The following INTS1 variants were observed in gnomAD, a reference collection of about 807,000 sequenced individuals.
INTS1 encodes the protein integrator complex subunit 1.
A neutral mutation model predicts 241.6 loss-of-function variants in INTS1; 137 were observed. The ratio of observed to expected loss-of-function variants is 0.57; its 90% confidence interval spans 0.49 to 0.65. The LOEUF (loss-of-function observed/expected upper bound fraction) is 0.65. Ranked by LOEUF, INTS1 falls within the 30% of genes least tolerant of loss-of-function variation. The pLI, the probability that INTS1 is intolerant of heterozygous loss-of-function variation, is 0.00. For missense variants in INTS1, 3,073 were observed against 3,032.2 expected (o/e 1.01, Z -0.32); for synonymous variants, 1,692 against 1,337.8 (o/e 1.26, Z -5.78).
rs780065113 is a variant in INTS1, at chr7:1,470,561, G to T, written c.*16C>A. 1.3e-6 allele frequency: 2 copies of T among 1,527,348 alleles called. No homozygotes were observed. The highest frequency in any genetic ancestry group is 1.4e-5 in the African/African-American group (1 of 72,594). The allele number at this position is 1,527,348 out of a possible 1,614,324, so 94.6% of individuals were successfully genotyped here. Reference sequence around the variant, plus strand: ...GGGACGGGCCGGGGCTTGGAGGGGGGTCGGCTGCCACAGGCTCACATCACG... The same window carrying T: ...GGGACGGGCCGGGGCTTGGAGGGGGTTCGGCTGCCACAGGCTCACATCACG... On this transcript the variant is annotated 3_prime_UTR_variant, in exon 48 of 48. Transcript: ENST00000404767.
In INTS1 at chr7:1,487,432, G is replaced by A; in HGVS notation, c.2534C>T (p.Pro845Leu). ...CACTTGATCCAGGATGTGAGGGGGA[G>A]GCCTCCGGGGGGGCCCCCTGAGGGC... ...SLDPQGPPRR[P>L]PPHILDQVKS... The change falls in exon 20 of 48, where the codon CCT becomes CTT. Residue 845 changes from proline to leucine, a missense_variant. By Grantham distance (98) the Pro-to-Leu change is moderately conservative (BLOSUM62 -3). Coordinates refer to ENST00000404767, the MANE Select transcript of INTS1 (RefSeq NM_001080453.3). 3 of 1,611,620 alleles carry A rather than the reference G, an allele frequency of 1.9e-6. No homozygotes were observed. Among genetic ancestry groups the A allele is most frequent in the Middle Eastern group, 1.8e-4 (1 of 5,706 alleles).
At chr7:1,472,418 G>T (rs368285030) in intron 43 of INTS1, 32 bp from the exon 44 acceptor site, 2 of 1,450,252 alleles carry the variant, frequency 1.4e-6, no homozygotes, top group Non-Finnish European at 9.3e-7. Flanking sequence ...GCAGGAGGGC[G>T]GGAGCGGCAG....
chr7:1,473,442 G>A, intron 42 of INTS1, 124 bp downstream of exon 42: 1 of 1,256,876 alleles, frequency 8.0e-7, no homozygotes, highest in Non-Finnish European at 1.1e-6. Context: ...ACCACGCTCA[G>A]CAGCCCTCCC....
intron 35 of INTS1, 145 bp from the exon 36 acceptor site, chr7:1,477,063 G>C: frequency 9.7e-7 from 1 of 1,033,162 alleles, no homozygotes; most frequent in Non-Finnish European, 1.4e-6. Flanking sequence ...CATGGTGCTG[G>C]AGGGCCGCTC....
chr7:1,488,912 C>T (rs552632005), intron 18 of INTS1, among the ~76,000 whole-genome samples: 7 of 152,216 alleles, frequency 4.6e-5, no homozygotes, highest in African/African-American at 1.4e-4. Context: ...GCTGATCCCA[C>T]GCAGGGTCAC....
At chr7:1,503,325 T>A in intron 2 of INTS1, 134 bp from the exon 3 acceptor site, 1 of 924,012 alleles carries the variant, frequency 1.1e-6, no homozygotes, top group African/African-American at 1.7e-5. Context: ...CAGAGCTCAC[T>A]CAGCAGCCTA....
At chr7:1,483,531 C>T (rs747555757) in intron 26 of INTS1, 52 of 614,252 alleles carry the variant, frequency 8.5e-5, no homozygotes, top group Middle Eastern at 3.9e-4. Flanking sequence ...GGTCCCACCA[C>T]GTGGGGATCT....
intron 30 of INTS1, 104 bp downstream of exon 30, chr7:1,480,213 G>A: frequency 1.5e-6 from 2 of 1,351,258 alleles, no homozygotes; most frequent in Middle Eastern, 2.7e-4. Context: ...GCCTGGGTCA[G>A]GCGGTCACGC....
chr7:1,487,735 G>A (rs1782342033), intron 19 of INTS1, 25 bp downstream of exon 19: 24 of 1,602,948 alleles, frequency 1.5e-5, no homozygotes, highest in Non-Finnish European at 1.9e-5. Flanking sequence ...GGCAGGCGCA[G>A]GGCGGGGCTG....
chr7:1,490,150 C>T (rs1440273122), intron 16 of INTS1, among the ~76,000 whole-genome samples: 1 of 152,236 alleles, frequency 6.6e-6, no homozygotes, highest in East Asian at 1.9e-4. Flanking sequence ...GGAAAGACCA[C>T]ACCAGAAAGC....
At position 1,497,901 on chromosome 7, in the gene INTS1, C is replaced by A. The variant is rs971647144; in HGVS notation, c.1425+511G>T. Among the ~76,000 whole-genome samples, 7 of 152,170 alleles carry A rather than the reference C, an allele frequency of 4.6e-5. No individual in the cohort carries two copies. The highest frequency in any genetic ancestry group is 7.3e-5 in the Non-Finnish European group (5 of 68,028). On this transcript the variant is annotated intron_variant, in intron 10 of 47. Transcript: ENST00000404767. This position sits in a 1 kb window ranked among gnomAD's most constrained non-coding sequence, Gnocchi z 5.3. ...AGGGCTACAGGGACCCCTGCTTAAC[C>A]GAGGGACCCAATGCACAGGAGGCGG...
At chr7:1,498,676 C>A in intron 9 of INTS1, 31 bp downstream of exon 9, 1 of 1,544,704 alleles carries the variant, frequency 6.5e-7, no homozygotes. Context: ...ACTCCACCCG[C>A]ACCCCCGCTC....
intron 27 of INTS1, 141 bp downstream of exon 27, chr7:1,482,405 T>C (rs879436773): frequency 1.6e-4 from 124 of 764,476 alleles, no homozygotes; most frequent in East Asian, 3.0e-4. Context: ...CCAGGACATA[T>C]GGTCTGCAGG....
rs1010849393 is a variant in INTS1, at chr7:1,499,131, C to A, written c.981G>T (p.Glu327Asp). 2 of 1,611,070 alleles carry A rather than the reference C, an allele frequency of 1.2e-6. No individual in the cohort carries two copies. The highest frequency in any genetic ancestry group is 2.2e-5 in the South Asian group (2 of 91,022). The change falls in exon 8 of 48, where the codon GAG (glutamate) becomes GAT (aspartate). Residue 327 changes from glutamate (E) to aspartate (D), a missense_variant. Glu to Asp is a conservative substitution (Grantham distance 45, BLOSUM62 2). Transcript: ENST00000404767. ...RYEELAESVE[E>D]YVLDMLRDQL... ...GGTCCCGCAGCATGTCCAGGACATA[C>A]TCCTCCACGCTCTCCGCGAGCTCTT...
intron 19 of INTS1, 64 bp from the exon 20 acceptor site, chr7:1,487,513 C>T (rs1782331185): frequency 1.3e-6 from 2 of 1,548,048 alleles, no homozygotes; most frequent in Non-Finnish European, 1.7e-6. Flanking sequence ...AGAACCCCTC[C>T]TCCTCCCATC....
At chr7:1,488,364 G>C (rs1295765493) in intron 18 of INTS1, among the ~76,000 whole-genome samples, 8 of 152,172 alleles carry the variant, frequency 5.3e-5, no homozygotes, top group African/African-American at 1.9e-4. Flanking sequence ...CTTGCCTACA[G>C]AGGCACACGT....
rs1783258014 is a variant in INTS1 at position 1,502,848 on chromosome 7, A to G, written c.349+53T>C. On this transcript the variant is annotated intron_variant, in intron 3 of 47. Transcript: ENST00000404767. ...GGAGGGGGCCTTCCCTGAACACCTG[A>G]TGGACGGCATGAGCTGAGGGGTGTT... The G allele has an allele frequency of 3.1e-6, 5 of 1,597,160 alleles. No homozygotes were observed. In the East Asian group the frequency reaches 8.9e-5, roughly 29 times the overall value.
In INTS1 at chr7:1,481,554, G is replaced by A. The variant is rs184348896; in HGVS notation, c.3704-66C>T. 1.7e-4 allele frequency: 256 copies of A among 1,510,528 alleles called. No homozygotes were observed. The African/African-American group carries it at 2.3e-3, about 14-fold the overall frequency. The allele number at this position is 1,510,528 out of a possible 1,614,324, so 93.6% of individuals were successfully genotyped here. On this transcript the variant is annotated intron_variant, in intron 27 of 47. Coordinates refer to ENST00000404767, the MANE Select transcript of INTS1 (RefSeq NM_001080453.3). The surrounding 1 kb of genome is among the most constrained non-coding windows in gnomAD (Gnocchi z 6.8). ...GCAATGCGCACTCGGGACCCCACCC[G>A]AGACCTGGGGCTGCCTGTGTGCAGT...
At position 1,498,965 on chromosome 7, in the gene INTS1, G is replaced by GCCCC; in HGVS notation, c.1137+6_1137+9dup. ...CCTGCCCCGCCCACCCCCCCGGGGCGCCCCCGCACCTTGGGGTTCTGCAGC... is the reference window on the plus strand; with the variant it reads ...CCTGCCCCGCCCACCCCCCCGGGGCGCCCCCCCCCGCACCTTGGGGTTCTGCAGC... On this transcript the variant is annotated intron_variant, in intron 8 of 47. Transcript: ENST00000404767. 7.3e-7 allele frequency: 1 copy of GCCCC among 1,364,034 alleles called. No homozygotes were observed. Among genetic ancestry groups the GCCCC allele is most frequent in the Non-Finnish European group, 9.9e-7 (1 of 1,011,230 alleles). The allele number at this position is 1,364,034 out of a possible 1,614,324, so 84.5% of individuals were successfully genotyped here. A position where few individuals can be genotyped will look rare whatever the true frequency, so the allele number is the denominator to read the frequency against.
Sources: gnomAD v4.1 joint callset for allele counts (sites outside exome capture counted in the v4.1 genomes callset) on GRCh38, gnomAD v4.1.1 for gene constraint, Gnocchi (gnomAD v3.1) non-coding constraint, MANE v1.5 for transcripts, NCBI Gene and HGNC (gene_info 2026-07-23, HGNC 2026-07-21) for gene names.